The following STRN variants were observed in gnomAD, a reference collection of about 807,000 sequenced individuals.
STRN encodes protein phosphatase 2 regulatory subunit B'''alpha.
A neutral mutation model predicts 96.3 loss-of-function variants in STRN; 53 were observed. The observed-to-expected ratio is 0.55, with a 90% confidence interval of 0.44 to 0.69. The LOEUF is 0.69. STRN is among the 30% of genes least tolerant of loss of function. The pLI is 0.00. For missense variants in STRN, 987 were observed against 963.9 expected, an observed-to-expected ratio of 1.02 and a Z score of -0.32; for synonymous variants, 428 against 355.9, an observed-to-expected ratio of 1.20 and a Z score of -2.28.
intron 6 of STRN, among the ~76,000 whole-genome samples, chr2:36,895,717 C>T (rs1669523343): frequency 6.7e-6 from 1 of 149,682 alleles, no homozygotes; most frequent in Non-Finnish European, 1.5e-5. Context: ...GGAGACCCTC[C>T]TGCCTAACAT....
chr2:36,899,382 C>G (rs1468401165), intron 6 of STRN, 141 bp downstream of exon 6: 2 of 748,674 alleles, frequency 2.7e-6, no homozygotes, highest in Admixed American at 3.9e-5. Flanking sequence ...ATCAGTATTA[C>G]AAACTCTCAT....
chr2:36,957,463 C>G (rs1189944091), intron 1 of STRN, among the ~76,000 whole-genome samples: 2 of 152,206 alleles, frequency 1.3e-5, no homozygotes, highest in African/African-American at 4.8e-5. Flanking sequence ...TGGTGCACAC[C>G]TATAGTCCCA....
Position 36,902,629 on chromosome 2 carries a change from A to G in STRN, c.614T>C (p.Val205Ala). The G allele has an allele frequency of 6.2e-7, 1 of 1,611,780 alleles. No individual in the cohort carries two copies. Among genetic ancestry groups the G allele is most frequent in the African/African-American group, 1.3e-5 (1 of 75,014 alleles). ...AACTTCAGCCTCTGTGCCATTTACA[A>G]CTGAGTCCTGATTTTTGTCATCTTC... Reference protein sequence around the residue: ...DREDDKNQDSVVNGTEAEVKE... With the variant: ...DREDDKNQDSAVNGTEAEVKE... Residue 205 changes from valine to alanine, a missense_variant, in exon 5 of 18, where the codon GTT becomes GCT. Val to Ala is a moderately conservative substitution (Grantham distance 64, BLOSUM62 0). Coordinates refer to ENST00000263918, the MANE Select transcript of STRN (RefSeq NM_003162.4).
chr2:36,936,175 A>C (rs971912019), intron 1 of STRN, among the ~76,000 whole-genome samples: 1 of 152,140 alleles, frequency 6.6e-6, no homozygotes, highest in Admixed American at 6.5e-5. Flanking sequence ...CTGCTTGCTT[A>C]TGTTCCTATT....
At chr2:36,880,906 T>C (rs1669052172) in intron 9 of STRN, among the ~76,000 whole-genome samples, 1 of 152,110 alleles carries the variant, frequency 6.6e-6, no homozygotes, top group African/African-American at 2.4e-5. Context: ...AACTCCTTCC[T>C]TACATACCAG....
chr2:36,875,947 C>T (rs1428378849), intron 10 of STRN, among the ~76,000 whole-genome samples: 4 of 152,048 alleles, frequency 2.6e-5, no homozygotes, highest in East Asian at 1.9e-4. Context: ...TGAGCCACCG[C>T]GCCTGGCTTA....
At chr2:36,898,159 C>CA (rs1669592846) in intron 6 of STRN, among the ~76,000 whole-genome samples, 1 of 152,126 alleles carries the variant, frequency 6.6e-6, no homozygotes, top group East Asian at 1.9e-4. Context: ...CTAACAGAAA[C>CA]ATAGCATCAT....
chr2:36,851,685 T>A (rs1405581336), intron 15 of STRN, among the ~76,000 whole-genome samples: 2 of 152,206 alleles, frequency 1.3e-5, no homozygotes, highest in Non-Finnish European at 2.9e-5. Flanking sequence ...ACTAACGCTG[T>A]TCATTCTACA....
rs750842138 is a variant in STRN, at chr2:36,902,718, A to T, written c.525T>A (p.Ile175=). The change falls in exon 5 of 18, where the codon ATT becomes ATA. Residue 175 remains isoleucine (I), a synonymous_variant. Coordinates refer to ENST00000263918, the MANE Select transcript of STRN (RefSeq NM_003162.4). Reference sequence around the variant, plus strand: ...GCACTCGTTTAGATTTCACATCTAGAATAGTATCTGTATAACCCACCTCCT... The same window carrying T: ...GCACTCGTTTAGATTTCACATCTAGTATAGTATCTGTATAACCCACCTCCT... The part of the protein sequence containing the change: ...YLQEVGYTDT[I]LDVKSKRVRA... 318 of 1,610,260 alleles carry T rather than the reference A, an allele frequency of 2.0e-4. No homozygotes were observed. The highest frequency in any genetic ancestry group is 2.7e-4 in the Non-Finnish European group (313 of 1,177,518).
intron 10 of STRN, among the ~76,000 whole-genome samples, chr2:36,875,505 CAAAAAAAAAAAAA>C (rs70946953): frequency 3.9e-5 from 2 of 50,978 alleles, no homozygotes; most frequent in African/African-American, 9.0e-5. Flanking sequence ...GACTCTGCCT[CAAAAAAAAAAAAA>C]AAAAAAAAAA....
intron 9 of STRN, among the ~76,000 whole-genome samples, chr2:36,882,694 G>C (rs948466034): frequency 2.0e-5 from 3 of 152,234 alleles, no homozygotes; most frequent in African/African-American, 7.2e-5. Context: ...ACCTGAGCCT[G>C]AGAGGTCAAG....
chr2:36,942,361 G>GA (rs1670866719), intron 1 of STRN, among the ~76,000 whole-genome samples: 1 of 152,092 alleles, frequency 6.6e-6, no homozygotes, highest in Non-Finnish European at 1.5e-5. Flanking sequence ...GTAAAAATGA[G>GA]AAAAATATCA....
chr2:36,852,121 T>C (rs1404519122), intron 15 of STRN, among the ~76,000 whole-genome samples: 2 of 152,226 alleles, frequency 1.3e-5, no homozygotes, highest in Non-Finnish European at 2.9e-5. Context: ...CCCAACCTGA[T>C]GGTTCATGCA....
chr2:36,960,398 C>T (rs898721234), intron 1 of STRN, among the ~76,000 whole-genome samples: 1 of 152,190 alleles, frequency 6.6e-6, no homozygotes, highest in Non-Finnish European at 1.5e-5. Context: ...CAGAATATTA[C>T]ACTGCATGGC....
rs1274313810 is a variant in STRN, at chr2:36,861,234, C to T, written c.1567G>A (p.Val523Ile). 1.9e-6 allele frequency: 3 copies of T among 1,613,762 alleles called. No individual in the cohort carries two copies. The highest frequency in any genetic ancestry group is 4.5e-5 in the East Asian group (2 of 44,878). ...CACTGCTCACCATTGCTGCTCATTA[C>T]CACACAAAGCACTGGACCTCTGGGA... ...RAHKGPVLCV[V>I]MSSNGEQCYS... Residue 523 changes from valine (V) to isoleucine (I), a missense_variant, in exon 13 of 18, where the codon GTA (valine) becomes ATA (isoleucine). Physicochemically the swap from Val to Ile is conservative, Grantham distance 29 (BLOSUM62 3). Transcript: ENST00000263918.
At chr2:36,857,391 T>A (rs1032985717) in intron 14 of STRN, among the ~76,000 whole-genome samples, 4 of 152,058 alleles carry the variant, frequency 2.6e-5, no homozygotes, top group Admixed American at 2.6e-4. Context: ...TCAAAAATTA[T>A]AGGCTGGGTG....
At chr2:36,912,251 T>TGC (rs138856940) in intron 3 of STRN, among the ~76,000 whole-genome samples, 19 of 152,308 alleles carry the variant, frequency 1.2e-4, no homozygotes, top group South Asian at 6.2e-4. Context: ...CGTGAGAGTG[T>TGC]GCGCGCGCGC....
chr2:36,953,008 G>A (rs974399742), intron 1 of STRN, among the ~76,000 whole-genome samples: 1 of 152,188 alleles, frequency 6.6e-6, no homozygotes, highest in South Asian at 2.1e-4. Context: ...TGGCATCACC[G>A]TTGTGGAATT....
At chr2:36,938,650 G>T (rs547203012) in intron 1 of STRN, among the ~76,000 whole-genome samples, 2 of 152,044 alleles carry the variant, frequency 1.3e-5, no homozygotes, top group South Asian at 2.1e-4. Flanking sequence ...AAACTTCAAG[G>T]TTATTAAAAC....
Sources: allele counts gnomAD v4.1 joint callset (sites outside exome capture counted in the v4.1 genomes callset), GRCh38; gene constraint gnomAD v4.1.1; transcripts MANE v1.5; gene names NCBI Gene and HGNC (gene_info 2026-07-23, HGNC 2026-07-21).